Variants in WASF1 observed in about 807,000 individuals in gnomAD.
WASF1 encodes the protein actin-binding protein WASF1.
Under a neutral mutation model 50.5 loss-of-function variants are expected in WASF1, and 7 were observed. That is an observed-to-expected ratio of 0.14 (90% CI 0.08 to 0.26). WASF1 has a LOEUF of 0.26. Among genes scored for constraint, WASF1 ranks in the 10% least tolerant of loss-of-function variants. The probability of loss-of-function intolerance (pLI) is 1.00; values close to 1 mark genes in which losing one functional copy is unlikely to be tolerated. For missense variants in WASF1, 470 were observed against 694.7 expected (o/e 0.68, Z 3.64); for synonymous variants, 205 against 244.0 (o/e 0.84, Z 1.49).
intron 4 of WASF1, among the ~76,000 whole-genome samples, chr6:110,123,717 T>C (rs975314793): frequency 6.6e-6 from 1 of 152,134 alleles, no homozygotes; most frequent in Non-Finnish European, 1.5e-5. Flanking sequence ...CAAAAGTTAT[T>C]TGGTGATCAA....
intron 2 of WASF1, among the ~76,000 whole-genome samples, chr6:110,166,894 T>A (rs1422795223): frequency 1.3e-5 from 2 of 151,924 alleles, no homozygotes; most frequent in Non-Finnish European, 2.9e-5. Flanking sequence ...TTTTTTTGTG[T>A]GAAAAAAATT....
At chr6:110,139,014 C>A (rs866004403) in intron 3 of WASF1, among the ~76,000 whole-genome samples, 1 of 152,216 alleles carries the variant, frequency 6.6e-6, no homozygotes, top group South Asian at 2.1e-4. Context: ...CAGGCCTGAG[C>A]CGAGCTTCCC....
intron 2 of WASF1, among the ~76,000 whole-genome samples, chr6:110,167,601 A>G (rs1365948442): frequency 6.6e-6 from 1 of 152,004 alleles, no homozygotes; most frequent in Admixed American, 6.6e-5. Context: ...ATTTTTATCT[A>G]AGCTCACTTC....
At chr6:110,120,865 C>A (rs944574935) in intron 4 of WASF1, among the ~76,000 whole-genome samples, 3 of 150,616 alleles carry the variant, frequency 2.0e-5, no homozygotes, top group African/African-American at 7.4e-5. Flanking sequence ...CAGAACAGAG[C>A]CCTCAGAAAT....
In WASF1 at chr6:110,102,025, G is replaced by A; in HGVS notation, c.1085C>T (p.Ala362Val). The A allele has an allele frequency of 6.5e-7, 1 of 1,546,460 alleles. No homozygotes were observed. Among genetic ancestry groups the A allele is most frequent in the Non-Finnish European group, 8.7e-7 (1 of 1,147,826 alleles). Residue 362 changes from alanine to valine, a missense_variant, in exon 10 of 11, where the codon GCT becomes GTT. Ala to Val is a moderately conservative substitution (Grantham distance 64). Transcript: ENST00000392589. The stretch of plus-strand genomic sequence containing the variant: ...TGGTGGTACTGCTGGAGCTTGCAAA[G>A]CAGTGGCTGGAGGTGGAGGTGGGGG... ...VPPPPPPPATALQAPAVPPPP... is the reference protein window; with the variant it reads ...VPPPPPPPATVLQAPAVPPPP...
chr6:110,100,719 A>G (rs1460279665), intron 10 of WASF1, 40 bp from the exon 11 acceptor site: 1 of 1,477,478 alleles, frequency 6.8e-7, no homozygotes, highest in Non-Finnish European at 9.0e-7. Context: ...AAATCAAAAT[A>G]CTAGATACTA....
intron 9 of WASF1, 79 bp from the exon 10 acceptor site, chr6:110,102,295 T>C (rs79154159): frequency 0.048 from 62,414 of 1,303,848 alleles, 2,038 homozygotes; most frequent in African/African-American, 0.15. Context: ...AAACTATAAA[T>C]GACTATCAGT....
chr6:110,153,472 C>T (rs920133474), intron 3 of WASF1, among the ~76,000 whole-genome samples: 1 of 152,112 alleles, frequency 6.6e-6, no homozygotes, highest in Admixed American at 6.6e-5. Flanking sequence ...TTAAAAGAAG[C>T]CATAGATTAA....
chr6:110,167,034 A>C (rs1224702777), intron 2 of WASF1, among the ~76,000 whole-genome samples: 1 of 151,880 alleles, frequency 6.6e-6, no homozygotes, highest in African/African-American at 2.4e-5. Flanking sequence ...TAAGGTTCTA[A>C]GGGAACTAAA....
chr6:110,150,926 A>G (rs1200701062), intron 3 of WASF1, among the ~76,000 whole-genome samples: 3 of 152,070 alleles, frequency 2.0e-5, no homozygotes, highest in Non-Finnish European at 2.9e-5. Flanking sequence ...AATCCCAGCT[A>G]CTTGGGAGGC....
chr6:110,124,274 CTATATATA>C (rs35703116), intron 4 of WASF1, among the ~76,000 whole-genome samples: 315 of 20,486 alleles, frequency 0.015, 12 homozygotes, highest in Non-Finnish European at 0.018. Flanking sequence ...CTCTCTCTCT[CTATATATA>C]TATATATATA....
intron 2 of WASF1, among the ~76,000 whole-genome samples, 157 bp downstream of exon 2, chr6:110,178,441 G>C (rs966726759): frequency 3.9e-5 from 6 of 152,154 alleles, no homozygotes; most frequent in Admixed American, 2.6e-4. Flanking sequence ...ACATTAGACG[G>C]ATTGAATAAC....
chr6:110,105,603 A>C, intron 7 of WASF1, 24 bp from the exon 8 acceptor site: 1 of 1,605,698 alleles, frequency 6.2e-7, no homozygotes, highest in South Asian at 1.1e-5. Context: ...ATTGAAACAA[A>C]GTCAAATGCT....
chr6:110,108,137 CA>C (rs369773397), intron 6 of WASF1, among the ~76,000 whole-genome samples: 6 of 50,210 alleles, frequency 1.2e-4, no homozygotes, highest in East Asian at 7.1e-4. Context: ...GACTCCGCCT[CA>C]AAAAAAAAAA....
chr6:110,109,126 T>A (rs1773447971), intron 5 of WASF1, among the ~76,000 whole-genome samples: 1 of 152,218 alleles, frequency 6.6e-6, no homozygotes, highest in African/African-American at 2.4e-5. Context: ...AACACGCTGT[T>A]AACCTCTATG....
chr6:110,152,859 G>A (rs1253884185), intron 3 of WASF1, among the ~76,000 whole-genome samples: 1 of 152,168 alleles, frequency 6.6e-6, no homozygotes, highest in Admixed American at 6.6e-5. Context: ...TTAATACTGT[G>A]AAATCATCAC....
chr6:110,122,929 A>G (rs1429197238), intron 4 of WASF1, among the ~76,000 whole-genome samples: 2 of 152,042 alleles, frequency 1.3e-5, no homozygotes, highest in African/African-American at 4.8e-5. Context: ...AACCCTATCT[A>G]AAGTCACCCA....
chr6:110,118,192 G>A (rs1326086856), intron 4 of WASF1, among the ~76,000 whole-genome samples: 5 of 151,680 alleles, frequency 3.3e-5, no homozygotes, highest in African/African-American at 1.2e-4. Flanking sequence ...TGGGCTAAAT[G>A]CTCCAATTAA....
In WASF1 at chr6:110,147,905, C is replaced by T. The variant is rs535867563; in HGVS notation, c.-29+12730G>A. On this transcript the variant is annotated intron_variant, in intron 3 of 10. Transcript: ENST00000392589. ...TGGGACTACAGGGTGTGCCAGCACA[C>T]CTGGCTAATTTTTAAATTTTTTGAA... Among the ~76,000 whole-genome samples, 12 of 152,220 alleles carry T rather than the reference C, an allele frequency of 7.9e-5. No individual in the cohort carries two copies. The South Asian group carries it at 2.5e-3, about 32-fold the overall frequency.
Sources: allele counts gnomAD v4.1 joint callset (sites outside exome capture counted in the v4.1 genomes callset), GRCh38; gene constraint gnomAD v4.1.1; transcripts MANE v1.5; gene names NCBI Gene and HGNC (gene_info 2026-07-23, HGNC 2026-07-21).